Variants in FAM222B observed in about 807,000 individuals in gnomAD.
The protein encoded by FAM222B is protein FAM222B.
Under a neutral mutation model 38.0 loss-of-function variants are expected in FAM222B, and 12 were observed. That is an observed-to-expected ratio of 0.32 (90% confidence interval 0.20 to 0.51). The LOEUF (loss-of-function observed/expected upper bound fraction) is 0.51. Among genes scored for constraint, FAM222B ranks in the 20% least tolerant of loss-of-function variants. FAM222B has a pLI of 0.97. For synonymous variants in FAM222B, 329 were observed against 317.2 expected (o/e 1.04, Z -0.40); for missense variants, 716 against 754.2 (o/e 0.95, Z 0.59).
At chr17:28,764,855 T>A (rs1409569508) in intron 2 of FAM222B, among the ~76,000 whole-genome samples, 1 of 152,134 alleles carries the variant, frequency 6.6e-6, no homozygotes, top group Admixed American at 6.6e-5. Context: ...CATCTTTGGG[T>A]AAAGCTGTCA....
At chr17:28,829,508 A>G (rs1432896435) in intron 1 of FAM222B, among the ~76,000 whole-genome samples, 1 of 152,080 alleles carries the variant, frequency 6.6e-6, no homozygotes. Context: ...GCAATCACTG[A>G]TCTGTTCCCC....
At chr17:28,796,721 TA>T (rs561600399) in intron 1 of FAM222B, among the ~76,000 whole-genome samples, 111 of 144,294 alleles carry the variant, frequency 7.7e-4, no homozygotes, top group Middle Eastern at 3.6e-3. Flanking sequence ...CAGCAAAGAT[TA>T]AAAAAAAAAA....
At chr17:28,837,186 T>G (rs1429728475) in intron 1 of FAM222B, among the ~76,000 whole-genome samples, 2 of 151,872 alleles carry the variant, frequency 1.3e-5, no homozygotes, top group Non-Finnish European at 2.9e-5. Context: ...ATCCCTGCAC[T>G]TTGGAAGGCT....
chr17:28,779,704 T>C (rs1209780916), intron 1 of FAM222B, among the ~76,000 whole-genome samples: 2 of 151,654 alleles, frequency 1.3e-5, no homozygotes, highest in East Asian at 3.9e-4. Flanking sequence ...TGAGTCGAGA[T>C]TGCGCCACTG....
At chr17:28,799,044 G>C (rs927633793) in intron 1 of FAM222B, among the ~76,000 whole-genome samples, 1 of 149,528 alleles carries the variant, frequency 6.7e-6, no homozygotes, top group Non-Finnish European at 1.5e-5. Context: ...GCACGATCTC[G>C]GCTCACTGCA....
intron 1 of FAM222B, among the ~76,000 whole-genome samples, chr17:28,838,149 C>T (rs1189990096): frequency 4.6e-5 from 7 of 152,084 alleles, no homozygotes; most frequent in African/African-American, 1.7e-4. Context: ...CCTGTAATCC[C>T]AGCTACTCAG....
chr17:28,774,375 T>C (rs1194140536), intron 1 of FAM222B, among the ~76,000 whole-genome samples: 10 of 152,130 alleles, frequency 6.6e-5, no homozygotes, highest in Non-Finnish European at 5.9e-5. Flanking sequence ...ATCGATCACT[T>C]TGGCAGAGCC....
upstream of FAM222B, among the ~76,000 whole-genome samples, chr17:28,843,803 T>C (rs553262171): frequency 6.6e-6 from 1 of 152,060 alleles, no homozygotes. Flanking sequence ...GGTAATTATG[T>C]AAAGGCAGCT....
chr17:28,814,785 T>A (rs1567877514), intron 1 of FAM222B, among the ~76,000 whole-genome samples: 1 of 148,010 alleles, frequency 6.8e-6, no homozygotes, highest in East Asian at 2.0e-4. Context: ...TTTTTTTTTT[T>A]TTTTTGAGAT....
At chr17:28,813,561 C>G (rs536375001) in intron 1 of FAM222B, among the ~76,000 whole-genome samples, 1 of 151,468 alleles carries the variant, frequency 6.6e-6, no homozygotes, top group Non-Finnish European at 1.5e-5. Context: ...GAGTCTCGCT[C>G]TGTTGCCCAG....
At chr17:28,829,385 G>A (rs2038573494) in intron 1 of FAM222B, among the ~76,000 whole-genome samples, 1 of 151,788 alleles carries the variant, frequency 6.6e-6, no homozygotes, top group Non-Finnish European at 1.5e-5. Context: ...TGCTCAGGCT[G>A]GTCTCAAACT....
At chr17:28,799,751 G>T (rs570205703) in intron 1 of FAM222B, among the ~76,000 whole-genome samples, 217 of 152,228 alleles carry the variant, frequency 1.4e-3, no homozygotes, top group Non-Finnish European at 2.7e-3. Context: ...TGGGACTACA[G>T]GTGATTGCCA....
rs184929708 is a variant in FAM222B, at chr17:28,851,080, C to T, written c.-41+3870G>A. Among the ~76,000 whole-genome samples, 41 of 152,040 alleles carry T rather than the reference C, an allele frequency of 2.7e-4. No individual in the cohort carries two copies. The East Asian group carries it at 7.8e-3, about 29-fold the overall frequency. ...GTTGCAGTGAGCTGAGATCGCACCG[C>T]TGCACTCCAGCCTGGGCGACAGAGG... On this transcript the variant is annotated intron_variant, in intron 1 of 2. Transcript: ENST00000577513.
At chr17:28,830,922 T>C (rs1047976328) in intron 1 of FAM222B, among the ~76,000 whole-genome samples, 1 of 151,824 alleles carries the variant, frequency 6.6e-6, no homozygotes, top group African/African-American at 2.4e-5. Context: ...ATGACTATTC[T>C]TTCTCCACTG....
rs372461393 is a variant in FAM222B at position 28,852,343 on chromosome 17, G to A, written c.-41+2607C>T. Among the ~76,000 whole-genome samples the A allele has an allele frequency of 2.0e-3, 297 of 151,728 alleles. 3 individuals are homozygous for A. The highest frequency in any genetic ancestry group is 6.7e-3 in the African/African-American group (277 of 41,408). On this transcript the variant is annotated intron_variant, in intron 1 of 2. Transcript: ENST00000577513. The stretch of plus-strand genomic sequence containing the variant: ...TGCACTCCAGCCTGGGCGACAGAGC[G>A]AGACTCTGTCTCCAAAAAAAAATGT...
At chr17:28,769,627 A>C (rs1344544215) in intron 1 of FAM222B, among the ~76,000 whole-genome samples, 1 of 152,196 alleles carries the variant, frequency 6.6e-6, no homozygotes, top group Admixed American at 6.5e-5. Context: ...AGAGCAGCTT[A>C]AATATCTCTA....
chr17:28,842,261 G>A (rs1304974059), intron 1 of FAM222B, among the ~76,000 whole-genome samples: 6 of 151,992 alleles, frequency 3.9e-5, no homozygotes, highest in African/African-American at 1.5e-4. Flanking sequence ...GAGGGTTCCC[G>A]ACTCCCATCC....
intron 2 of FAM222B, among the ~76,000 whole-genome samples, chr17:28,764,866 G>C (rs1453762949): frequency 6.6e-6 from 1 of 152,168 alleles, no homozygotes; most frequent in East Asian, 1.9e-4. Flanking sequence ...AAAGCTGTCA[G>C]AGTGTGTTAA....
chr17:28,787,844 G>A (rs1475029290), intron 1 of FAM222B, among the ~76,000 whole-genome samples: 1 of 42,932 alleles, frequency 2.3e-5, no homozygotes, highest in African/African-American at 1.2e-4. Flanking sequence ...TTTTTTTTTT[G>A]AGACGGAGTT....
Sources: allele counts gnomAD v4.1 joint callset (sites outside exome capture counted in the v4.1 genomes callset), GRCh38; gene constraint gnomAD v4.1.1; transcripts MANE v1.5; gene names NCBI Gene and HGNC (gene_info 2026-07-23, HGNC 2026-07-21).